Variants in TAFA5 observed in about 807,000 individuals in gnomAD.
TAFA5 encodes chemokine-like protein TAFA-5.
In TAFA5, 6 loss-of-function variants were observed where a neutral mutation model predicts 15.3. The ratio of observed to expected loss-of-function variants is 0.39; its 90% CI spans 0.21 to 0.77. The LOEUF (loss-of-function observed/expected upper bound fraction) is 0.77, where lower values mean the gene tolerates loss of function less well. Ranked by LOEUF, TAFA5 falls within the 30% of genes least tolerant of loss-of-function variation. The probability of loss-of-function intolerance (pLI) is 0.41; values close to 1 mark genes in which losing one functional copy is unlikely to be tolerated. For missense variants in TAFA5, 161 were observed against 193.1 expected, an observed-to-expected ratio of 0.83 and a Z score of 0.98; for synonymous variants, 103 against 80.7, an observed-to-expected ratio of 1.28 and a Z score of -1.48.
rs6008755 is a variant in TAFA5, at chr22:48,558,679, G to A, written c.112+68975G>A. Among the ~76,000 whole-genome samples the A allele has an allele frequency of 2.5e-3, 383 of 152,282 alleles. 1 individual carries two copies. The highest frequency in any genetic ancestry group is 8.8e-3 in the African/African-American group (364 of 41,558). ...TCCGGGCGTGGCCACTGGGAGACTC[G>A]AATGCGGAGACATGGTCCAGGGGCT... On this transcript the variant is annotated intron_variant, in intron 1 of 3. Transcript: ENST00000402357.
At chr22:48,689,266 G>C (rs890627976) in intron 2 of TAFA5, among the ~76,000 whole-genome samples, 3 of 152,134 alleles carry the variant, frequency 2.0e-5, no homozygotes, top group Admixed American at 1.3e-4. Context: ...GCAGATGGAC[G>C]TAGACACGTT....
chr22:48,680,007 C>T (rs1928127228), intron 2 of TAFA5, among the ~76,000 whole-genome samples: 1 of 152,204 alleles, frequency 6.6e-6, no homozygotes, highest in African/African-American at 2.4e-5. Flanking sequence ...CCAGCATCAC[C>T]CCCAGGAGTC....
intron 1 of TAFA5, among the ~76,000 whole-genome samples, chr22:48,511,140 G>A (rs756218683): frequency 2.0e-5 from 3 of 152,258 alleles, no homozygotes; most frequent in Non-Finnish European, 4.4e-5. Context: ...AGCAGGGACA[G>A]CCCTGGAGGA....
At chr22:48,699,459 A>G (rs1048395932) in intron 2 of TAFA5, among the ~76,000 whole-genome samples, 3 of 152,170 alleles carry the variant, frequency 2.0e-5, no homozygotes, top group African/African-American at 7.2e-5. Flanking sequence ...TCTCGGTGAC[A>G]GGGCACTGGC....
intron 1 of TAFA5, among the ~76,000 whole-genome samples, chr22:48,562,480 T>C (rs1923270462): frequency 6.6e-6 from 1 of 151,776 alleles, no homozygotes; most frequent in South Asian, 2.1e-4. Flanking sequence ...CACAGGAGGG[T>C]CACTGAACAG....
chr22:48,496,256 C>T (rs867062390), intron 1 of TAFA5, among the ~76,000 whole-genome samples: 2 of 152,010 alleles, frequency 1.3e-5, no homozygotes, highest in South Asian at 2.1e-4. Flanking sequence ...CTGCTGGCCT[C>T]GGGGGACTGA....
chr22:48,615,654 C>T (rs1448604824), intron 1 of TAFA5, among the ~76,000 whole-genome samples: 2 of 152,210 alleles, frequency 1.3e-5, no homozygotes, highest in Non-Finnish European at 2.9e-5. Context: ...ACATGAAGGG[C>T]ACTCTCTAGA....
chr22:48,602,664 C>T (rs767621215), intron 1 of TAFA5, among the ~76,000 whole-genome samples: 12 of 152,180 alleles, frequency 7.9e-5, no homozygotes, highest in African/African-American at 1.4e-4. Context: ...GGTACAGAGA[C>T]GCTTGGCTCG....
intron 1 of TAFA5, chr22:48,576,520 G>A (rs370029176): frequency 6.1e-5 from 93 of 1,513,878 alleles, no homozygotes; most frequent in Non-Finnish European, 8.1e-5. Flanking sequence ...GGCAGGGGCC[G>A]CGCTCTGCTG....
At chr22:48,680,621 G>T (rs950844363) in intron 2 of TAFA5, among the ~76,000 whole-genome samples, 8 of 152,190 alleles carry the variant, frequency 5.3e-5, no homozygotes, top group African/African-American at 1.9e-4. Flanking sequence ...CCCAAAATTT[G>T]CCCACCACGA....
intron 2 of TAFA5, among the ~76,000 whole-genome samples, chr22:48,680,829 C>T (rs1157259648): frequency 6.6e-6 from 1 of 152,264 alleles, no homozygotes; most frequent in Non-Finnish European, 1.5e-5. Flanking sequence ...TTCACTCCCA[C>T]TGTGCCACCG....
chr22:48,720,669 A>AGCTTGTTGCT (rs1484072181), intron 3 of TAFA5, among the ~76,000 whole-genome samples: 1 of 152,174 alleles, frequency 6.6e-6, no homozygotes, highest in African/African-American at 2.4e-5. Flanking sequence ...TGTTGCTGAC[A>AGCTTGTTGCT]GGGCAGCTTC....
Position 48,646,539 on chromosome 22 carries a change from C to T in TAFA5, c.113-58C>T, listed in dbSNP as rs929378512. ...TCTGTGGGTGGGCTCTGGGTGGGCTCTGGCTGTGGGGTGTCTGTAACGTGT... is the reference window on the plus strand; with the variant it reads ...TCTGTGGGTGGGCTCTGGGTGGGCTTTGGCTGTGGGGTGTCTGTAACGTGT... On this transcript the variant is annotated intron_variant, in intron 1 of 3. Coordinates refer to ENST00000402357, the MANE Select transcript of TAFA5 (RefSeq NM_001082967.3). 2.0e-5 allele frequency: 32 copies of T among 1,581,948 alleles called. No homozygotes were observed. In the African/African-American group the frequency reaches 3.9e-4, roughly 19 times the overall value.
intron 1 of TAFA5, among the ~76,000 whole-genome samples, chr22:48,554,793 C>G (rs1922973236): frequency 6.6e-6 from 1 of 152,204 alleles, no homozygotes; most frequent in South Asian, 2.1e-4. Flanking sequence ...CAAGAGCCTG[C>G]TGGTTTTTAC....
rs114050109 is a variant in TAFA5, at chr22:48,549,121, C to A, written c.112+59417C>A. ...ATAGGAAGAGTAAACACATACCACACCTTTCTCAAAGGGAATGAGCCTCGC... is the reference window on the plus strand; with the variant it reads ...ATAGGAAGAGTAAACACATACCACAACTTTCTCAAAGGGAATGAGCCTCGC... On this transcript the variant is annotated intron_variant, in intron 1 of 3. Transcript: ENST00000402357. 2.1e-3 allele frequency among the ~76,000 whole-genome samples: 321 copies of A among 152,348 alleles called. 1 individual carries two copies. The South Asian group carries it at 0.022, about 10-fold the overall frequency.
intron 1 of TAFA5, among the ~76,000 whole-genome samples, chr22:48,618,628 G>A (rs28478507): frequency 0.13 from 19,760 of 152,144 alleles, 1,517 homozygotes; most frequent in Non-Finnish European, 0.16. Flanking sequence ...GGGTGGCCTT[G>A]TCCACGCCCG....
At chr22:48,507,606 C>T (rs971355183) in intron 1 of TAFA5, among the ~76,000 whole-genome samples, 2 of 152,196 alleles carry the variant, frequency 1.3e-5, no homozygotes, top group African/African-American at 4.8e-5. Flanking sequence ...GTCTTTGGCC[C>T]CAGAAAGGGC....
At chr22:48,704,200 G>GCACACA (rs61363637) in intron 2 of TAFA5, among the ~76,000 whole-genome samples, 1 of 150,104 alleles carries the variant, frequency 6.7e-6, no homozygotes, top group African/African-American at 2.5e-5. Context: ...ACACACACGC[G>GCACACA]CACACACACA....
At chr22:48,675,743 T>A (rs994290422) in intron 2 of TAFA5, among the ~76,000 whole-genome samples, 2 of 152,264 alleles carry the variant, frequency 1.3e-5, no homozygotes, top group African/African-American at 4.8e-5. Flanking sequence ...CCCCGCCTGC[T>A]GGCTGAGGCC....
Sources: allele counts gnomAD v4.1 joint callset (sites outside exome capture counted in the v4.1 genomes callset), GRCh38; gene constraint gnomAD v4.1.1; transcripts MANE v1.5; gene names NCBI Gene and HGNC (gene_info 2026-07-23, HGNC 2026-07-21).